The following FTCDNL1 variants were observed in gnomAD, a reference collection of about 807,000 sequenced individuals.
The protein encoded by FTCDNL1 is formiminotransferase cyclodeaminase N-terminal like, also known as formiminotransferase N-terminal subdomain-containing protein.
A neutral mutation model predicts 5.9 loss-of-function variants in FTCDNL1; 11 were observed. The observed-to-expected ratio is 1.87, with a 90% CI of 1.18 to 3.10. The LOEUF is 3.10. FTCDNL1 is among the 30% of genes most tolerant of loss of function. FTCDNL1 has a pLI of 0.00. For synonymous variants in FTCDNL1, 58 were observed against 24.8 expected, an observed-to-expected ratio of 2.34 and a Z score of -3.99; for missense variants, 115 against 65.5, an observed-to-expected ratio of 1.76 and a Z score of -2.61.
chr2:199,769,479 G>GC (rs34798712), intron 3 of FTCDNL1, among the ~76,000 whole-genome samples: 56,249 of 151,936 alleles, frequency 0.37, 12,593 homozygotes, highest in African/African-American at 0.63. Flanking sequence ...TGATTTTGAG[G>GC]CCCCCCCAGC....
At chr2:199,731,001 T>C in the FTCDNL1 span, among the ~76,000 whole-genome samples, 1 of 152,222 alleles carries the variant, frequency 6.6e-6, no homozygotes, top group African/African-American at 2.4e-5. Context: ...CACCATGGAA[T>C]ACTATGCAGC....
At chr2:199,745,820 G>GTT in the FTCDNL1 span, among the ~76,000 whole-genome samples, 5 of 151,168 alleles carry the variant, frequency 3.3e-5, no homozygotes, top group Admixed American at 3.3e-4. Context: ...TTGGGTAGGA[G>GTT]TTACAAGCAT....
intron 3 of FTCDNL1, among the ~76,000 whole-genome samples, chr2:199,775,475 G>T (rs758432132): frequency 2.6e-5 from 4 of 152,140 alleles, no homozygotes; most frequent in Non-Finnish European, 4.4e-5. Flanking sequence ...AAGCAACTCC[G>T]TTAAGGCCAG....
At chr2:199,740,126 A>C in the FTCDNL1 span, among the ~76,000 whole-genome samples, 1 of 152,212 alleles carries the variant, frequency 6.6e-6, no homozygotes, top group East Asian at 1.9e-4. Flanking sequence ...AGTTCAGAAG[A>C]ATTATAACTG....
At chr2:199,716,185 A>C in the FTCDNL1 span, among the ~76,000 whole-genome samples, 3 of 152,114 alleles carry the variant, frequency 2.0e-5, no homozygotes, top group Non-Finnish European at 4.4e-5. Context: ...CCTTTCAAAA[A>C]TGTATTAATT....
intron 3 of FTCDNL1, among the ~76,000 whole-genome samples, chr2:199,774,890 G>A (rs557120095): frequency 3.3e-5 from 5 of 152,216 alleles, no homozygotes; most frequent in African/African-American, 1.2e-4. Context: ...TTTCTCCAGG[G>A]CATGAGATTG....
At chr2:199,741,770 T>C in the FTCDNL1 span, among the ~76,000 whole-genome samples, 3 of 152,234 alleles carry the variant, frequency 2.0e-5, no homozygotes, top group Non-Finnish European at 4.4e-5. Flanking sequence ...CTTCATTTTA[T>C]ATCTTCCTCT....
In FTCDNL1 at chr2:199,810,736, T is replaced by G. The variant is rs1455387253; in HGVS notation, c.*1969A>C. Reference sequence around the variant, plus strand: ...CAGTTTCCTCATTTTTGGGGAACCTTACATTTCTAAAAGCAAAGTTAAGCA... The same window carrying G: ...CAGTTTCCTCATTTTTGGGGAACCTGACATTTCTAAAAGCAAAGTTAAGCA... On this transcript the variant is annotated 3_prime_UTR_variant, in exon 5 of 5. Coordinates refer to ENST00000420128, the MANE Select transcript of FTCDNL1 (RefSeq NM_001363886.2). Among the ~76,000 whole-genome samples, 1 of 152,240 alleles carries G rather than the reference T, an allele frequency of 6.6e-6. No individual in the cohort carries two copies.
intron 3 of FTCDNL1, among the ~76,000 whole-genome samples, chr2:199,836,863 C>T (rs1311304451): frequency 6.6e-6 from 1 of 152,146 alleles, no homozygotes; most frequent in Admixed American, 6.5e-5. Flanking sequence ...TGAGATGGGC[C>T]TCAGAATTGT....
At position 199,811,103 on chromosome 2, in the gene FTCDNL1, T is replaced by G. The variant is rs895928489; in HGVS notation, c.*1602A>C. On this transcript the variant is annotated 3_prime_UTR_variant, in exon 5 of 5. Coordinates refer to ENST00000420128, the MANE Select transcript of FTCDNL1 (RefSeq NM_001363886.2). ...CTTCCTCCTGGGAATTCTGCAGGAA[T>G]GAATCAGATTACAGTATTTCCCCAT... 6.6e-6 allele frequency among the ~76,000 whole-genome samples: 1 copy of G among 152,238 alleles called. No individual in the cohort carries two copies. The highest frequency in any genetic ancestry group is 2.4e-5 in the African/African-American group (1 of 41,472).
the FTCDNL1 span, among the ~76,000 whole-genome samples, chr2:199,694,380 C>A: frequency 1.3e-5 from 2 of 152,178 alleles, no homozygotes; most frequent in Non-Finnish European, 2.9e-5. Context: ...TTTTGAGGTA[C>A]CCAATCTGAT....
chr2:199,845,519 C>T (rs551292924), intron 3 of FTCDNL1, among the ~76,000 whole-genome samples: 48 of 152,014 alleles, frequency 3.2e-4, no homozygotes, highest in Admixed American at 6.5e-4. Context: ...TGCAGTGAGT[C>T]GAGATCGGGC....
At position 199,795,257 on chromosome 2, in the gene FTCDNL1, C is replaced by A. The variant is rs573947127; in HGVS notation, c.212-34422G>T. Among the ~76,000 whole-genome samples, 252 of 152,066 alleles carry A rather than the reference C, an allele frequency of 1.7e-3. 2 individuals carry two copies. The highest frequency in any genetic ancestry group is 5.7e-3 in the African/African-American group (237 of 41,454). On this transcript the variant is annotated intron_variant, in intron 3 of 3. Coordinates refer to the FTCDNL1 transcript ENST00000416668. ...AGTAATCTTGTAATTTGTCTTTTACCCACTTGTTAGGCTAGATCAGACGTG... is the reference window on the plus strand; with the variant it reads ...AGTAATCTTGTAATTTGTCTTTTACACACTTGTTAGGCTAGATCAGACGTG...
At chr2:199,750,307 A>C in the FTCDNL1 span, among the ~76,000 whole-genome samples, 1 of 151,948 alleles carries the variant, frequency 6.6e-6, no homozygotes, top group Non-Finnish European at 1.5e-5. Context: ...GCAATGAGCT[A>C]TTATCTCACC....
chr2:199,749,043 C>T, the FTCDNL1 span, among the ~76,000 whole-genome samples: 1 of 152,184 alleles, frequency 6.6e-6, no homozygotes, highest in Non-Finnish European at 1.5e-5. Flanking sequence ...CCAGACTCAC[C>T]TGTTCTATAT....
At chr2:199,681,805 AAT>A in the FTCDNL1 span, among the ~76,000 whole-genome samples, 1 of 152,152 alleles carries the variant, frequency 6.6e-6, no homozygotes, top group East Asian at 1.9e-4. Context: ...TACGGGTGCT[AAT>A]ATTAATCATG....
intron 3 of FTCDNL1, among the ~76,000 whole-genome samples, chr2:199,838,095 G>A (rs1702880757): frequency 6.6e-6 from 1 of 152,202 alleles, no homozygotes; most frequent in Non-Finnish European, 1.5e-5. Flanking sequence ...ACAGGGTCAT[G>A]TTACAGAGAC....
intron 3 of FTCDNL1, among the ~76,000 whole-genome samples, chr2:199,783,226 A>G (rs2106333189): frequency 6.6e-6 from 1 of 152,340 alleles, no homozygotes; most frequent in East Asian, 1.9e-4. Flanking sequence ...CTCATTATAC[A>G]ATAAACAAGT....
chr2:199,772,404 C>T (rs892231576), intron 3 of FTCDNL1, among the ~76,000 whole-genome samples: 1 of 152,208 alleles, frequency 6.6e-6, no homozygotes, highest in Non-Finnish European at 1.5e-5. Flanking sequence ...ACACGTTGGG[C>T]TTCCTCTTTC....
Sources: allele counts gnomAD v4.1 joint callset (sites outside exome capture counted in the v4.1 genomes callset), GRCh38; gene constraint gnomAD v4.1.1; transcripts MANE v1.5; gene names NCBI Gene and HGNC (gene_info 2026-07-23, HGNC 2026-07-21).